The following UNC5D variants were observed in gnomAD, a reference collection of about 807,000 sequenced individuals.
UNC5D encodes the protein netrin receptor UNC5D.
A neutral mutation model predicts 105.4 loss-of-function variants in UNC5D; 39 were observed. That is an observed-to-expected ratio of 0.37 (90% CI 0.29 to 0.48). The LOEUF (loss-of-function observed/expected upper bound fraction) is 0.48, where lower values mean the gene tolerates loss of function less well. Ranked by LOEUF, UNC5D falls within the 20% of genes least tolerant of loss-of-function variation. The pLI, the probability that UNC5D is intolerant of heterozygous loss-of-function variation, is 0.98. For missense variants in UNC5D, 991 were observed against 1,202.4 expected, an observed-to-expected ratio of 0.82 and a Z score of 2.60; for synonymous variants, 452 against 450.4, an observed-to-expected ratio of 1.00 and a Z score of -0.04.
At chr8:35,758,510 G>A (rs549395422) in intron 13 of UNC5D, among the ~76,000 whole-genome samples, 4 of 152,138 alleles carry the variant, frequency 2.6e-5, no homozygotes, top group Non-Finnish European at 4.4e-5. Context: ...CCTCAACCCC[G>A]CACAATCATT....
At chr8:35,748,825 T>C in intron 12 of UNC5D, 130 bp downstream of exon 12, 1 of 1,023,418 alleles carries the variant, frequency 9.8e-7, no homozygotes, top group Non-Finnish European at 1.4e-6. Flanking sequence ...AAGTGTTTTA[T>C]AATATCCTAA....
chr8:35,595,507 A>G (rs1050411546), intron 3 of UNC5D, 47 bp from the exon 4 acceptor site: 2 of 1,576,072 alleles, frequency 1.3e-6, no homozygotes, highest in Non-Finnish European at 1.7e-6. Flanking sequence ...AATTTGAATA[A>G]CACTAGACTT....
intron 11 of UNC5D, among the ~76,000 whole-genome samples, chr8:35,742,472 C>A (rs1829811493): frequency 6.6e-6 from 1 of 151,962 alleles, no homozygotes. Flanking sequence ...ATGTATCGAC[C>A]CAGGGTCTGA....
chr8:35,611,410 C>T (rs895919586), intron 4 of UNC5D, among the ~76,000 whole-genome samples: 1 of 152,078 alleles, frequency 6.6e-6, no homozygotes, highest in African/African-American at 2.4e-5. Context: ...TGGTGACCAC[C>T]AATGTTTGTT....
rs150561451 is a variant in UNC5D, at chr8:35,495,974, T to C, written c.104-53318T>C. ...CCTTCTTTCAGGCAACTTTACGTGG[T>C]GGCAAAAGGGGAAGATATTAATCCA... On this transcript the variant is annotated intron_variant, in intron 1 of 16. Transcript: ENST00000404895. Among the ~76,000 whole-genome samples, 259 of 152,294 alleles carry C rather than the reference T, an allele frequency of 1.7e-3. 3 individuals are homozygous for C. Among genetic ancestry groups the C allele is most frequent in the African/African-American group, 5.9e-3 (246 of 41,548 alleles).
intron 8 of UNC5D, among the ~76,000 whole-genome samples, chr8:35,710,659 G>A (rs11994299): frequency 0.05 from 7,534 of 152,074 alleles, 497 homozygotes; most frequent in African/African-American, 0.15. Flanking sequence ...GGACCCTGAC[G>A]GACATTAACA....
chr8:35,623,856 G>A lies in UNC5D; in HGVS notation c.570+28199G>A, dbSNP rs1821520329. 2.6e-5 allele frequency among the ~76,000 whole-genome samples: 4 copies of A among 152,226 alleles called. No homozygotes were observed. The South Asian group carries it at 6.2e-4, about 24-fold the overall frequency. On this transcript the variant is annotated intron_variant, in intron 4 of 16. Transcript: ENST00000404895. The stretch of plus-strand genomic sequence containing the variant: ...AGCACTTTGGGAGGCTGAGGCAGGC[G>A]GATCACAAGGGTAGGAGATCGAGAC...
intron 1 of UNC5D, among the ~76,000 whole-genome samples, chr8:35,350,610 TCCAAAAGTGATTTC>T (rs1157330623): frequency 6.6e-6 from 1 of 152,072 alleles, no homozygotes; most frequent in African/African-American, 2.4e-5. Flanking sequence ...TAAAGTGGAC[TCCAAAAGTGATTTC>T]ATACTGGTGG....
intron 1 of UNC5D, among the ~76,000 whole-genome samples, chr8:35,349,812 G>A (rs189596141): frequency 3.9e-5 from 6 of 152,050 alleles, no homozygotes; most frequent in African/African-American, 1.2e-4. Context: ...ATACTCAAGG[G>A]TAGAGACCTA....
intron 1 of UNC5D, among the ~76,000 whole-genome samples, chr8:35,390,960 C>A (rs1042982735): frequency 3.9e-5 from 6 of 152,178 alleles, no homozygotes; most frequent in Non-Finnish European, 8.8e-5. Flanking sequence ...TGTCCAAGTA[C>A]TTTAAGGCAC....
chr8:35,236,486 C>T (rs900219342), intron 1 of UNC5D, among the ~76,000 whole-genome samples: 2 of 7,604 alleles, frequency 2.6e-4, no homozygotes, highest in African/African-American at 4.9e-4. Context: ...TTAACCGCGC[C>T]TGCAGTGCCC....
At chr8:35,684,794 C>T (rs759453842) in intron 6 of UNC5D, 45 bp downstream of exon 6, 1 of 1,541,794 alleles carries the variant, frequency 6.5e-7, no homozygotes, top group East Asian at 2.3e-5. Context: ...TCCACCAACA[C>T]TATTAAGCTG....
At chr8:35,271,698 TG>T (rs751365771) in intron 1 of UNC5D, among the ~76,000 whole-genome samples, 9,999 of 92,208 alleles carry the variant, frequency 0.11, 970 homozygotes, top group Middle Eastern at 0.13. Flanking sequence ...CATGTATACA[TG>T]TATACATATA....
chr8:35,785,438 C>T (rs182373130), intron 16 of UNC5D, among the ~76,000 whole-genome samples: 1 of 152,292 alleles, frequency 6.6e-6, no homozygotes, highest in Non-Finnish European at 1.5e-5. Context: ...TGACTCACTG[C>T]AATCCCTGCC....
At chr8:35,533,575 C>G (rs944093688) in intron 1 of UNC5D, among the ~76,000 whole-genome samples, 1 of 152,220 alleles carries the variant, frequency 6.6e-6, no homozygotes, top group Non-Finnish European at 1.5e-5. Flanking sequence ...TGGGCTCCAC[C>G]CAATTCGAGC....
chr8:35,376,764 G>T (rs965354121), intron 1 of UNC5D, among the ~76,000 whole-genome samples: 14 of 152,116 alleles, frequency 9.2e-5, no homozygotes, highest in African/African-American at 3.4e-4. Context: ...ACATGCAGTT[G>T]CTGTCCACAG....
At chr8:35,280,771 A>G (rs1806092926) in intron 1 of UNC5D, among the ~76,000 whole-genome samples, 1 of 152,076 alleles carries the variant, frequency 6.6e-6, no homozygotes, top group Non-Finnish European at 1.5e-5. Context: ...TCTTGCCTGA[A>G]AGAGTGTATT....
At chr8:35,688,714 C>A (rs963576628) in intron 7 of UNC5D, among the ~76,000 whole-genome samples, 7 of 152,220 alleles carry the variant, frequency 4.6e-5, no homozygotes, top group Non-Finnish European at 8.8e-5. Flanking sequence ...ATGTGCTTCT[C>A]ACCTCTCTTG....
chr8:35,252,632 T>G (rs974910682), intron 1 of UNC5D, among the ~76,000 whole-genome samples: 4 of 152,222 alleles, frequency 2.6e-5, no homozygotes, highest in African/African-American at 7.2e-5. Flanking sequence ...GTTGTGTGGC[T>G]ATACCATAAT....
Sources: gnomAD v4.1 joint callset for allele counts (sites outside exome capture counted in the v4.1 genomes callset) on GRCh38, gnomAD v4.1.1 for gene constraint, MANE v1.5 for transcripts, NCBI Gene and HGNC (gene_info 2026-07-23, HGNC 2026-07-21) for gene names.